SYNE1: variants seen among roughly 807,000 people sequenced by gnomAD.
SYNE1 encodes nesprin-1.
A neutral mutation model predicts 1,111.0 loss-of-function variants in SYNE1; 616 were observed. The observed-to-expected ratio is 0.55, with a 90% CI of 0.52 to 0.59. SYNE1 has a LOEUF of 0.59. Ranked by LOEUF, SYNE1 falls within the 20% of genes least tolerant of loss-of-function variation. The pLI, the probability that SYNE1 is intolerant of heterozygous loss-of-function variation, is 0.00. For missense variants in SYNE1, 10,006 were observed against 10,417.0 expected, an observed-to-expected ratio of 0.96 and a Z score of 1.72; for synonymous variants, 3,855 against 3,825.8, an observed-to-expected ratio of 1.01 and a Z score of -0.28.
In SYNE1 at chr6:152,484,038, C is replaced by CAAAAAAAAAAAAAAAAAAAAAAAAAAA. The variant is rs773019397; in HGVS notation, c.1186-790_1186-789insTTTTTTTTTTTTTTTTTTTTTTTTTTT. Among the ~76,000 whole-genome samples, 3 of 53,522 alleles carry CAAAAAAAAAAAAAAAAAAAAAAAAAAA rather than the reference C, an allele frequency of 5.6e-5. 1 individual carries two copies. Among genetic ancestry groups the CAAAAAAAAAAAAAAAAAAAAAAAAAAA allele is most frequent in the South Asian group, 1.7e-3 (2 of 1,144 alleles). 35.1% of individuals were successfully genotyped at this position (53,522 alleles called of 152,430 possible). A position where few individuals can be genotyped will look rare whatever the true frequency, so the allele number is the denominator to read the frequency against. On this transcript the variant is annotated intron_variant, in intron 13 of 145. Coordinates refer to ENST00000367255, the MANE Select transcript of SYNE1 (RefSeq NM_182961.4). ...GCAATATAGTGAGATCTCATCTCTA[C>CAAAAAAAAAAAAAAAAAAAAAAAAAAA]AAAAAAAAAAAAAAAAAAAAAAAAT... is the stretch of plus-strand genomic sequence containing the variant.
intron 4 of SYNE1, among the ~76,000 whole-genome samples, chr6:152,535,403 A>T (rs2099230018): frequency 6.6e-6 from 1 of 152,176 alleles, no homozygotes; most frequent in Non-Finnish European, 1.5e-5. Context: ...CATCCCAAAC[A>T]CAGTATTTAA....
At chr6:152,583,079 T>C (rs2099525881) in intron 3 of SYNE1, among the ~76,000 whole-genome samples, 1 of 152,206 alleles carries the variant, frequency 6.6e-6, no homozygotes, top group South Asian at 2.1e-4. Flanking sequence ...AATTATTTTA[T>C]TGACAAAGAC....
chr6:152,331,523 G>C lies in SYNE1; in HGVS notation c.13162C>G (p.Leu4388Val). ...DMAQNLLMDH[L>V]AICSELEAKQ... ...GCCTCCAGTTCACTGCAGATGGCCA[G>C]GTGATCCATGAGAAGGTTCTGAGCC... The change falls in exon 78 of 146, where the codon CTG becomes GTG. Residue 4388 changes from leucine (L) to valine (V), a missense_variant. Transcript: ENST00000367255. 1 of 1,614,122 alleles carries C rather than the reference G, an allele frequency of 6.2e-7. No individual in the cohort carries two copies. The highest frequency in any genetic ancestry group is 8.5e-7 in the Non-Finnish European group (1 of 1,180,022).
At chr6:152,133,574 C>T in intron 142 of SYNE1, 86 bp from the exon 143 acceptor site, 1 of 1,332,194 alleles carries the variant, frequency 7.5e-7, no homozygotes, top group Non-Finnish European at 1.1e-6. Flanking sequence ...ATCAACTTAA[C>T]TTGGTGGGAA....
chr6:152,249,355 G>T, intron 104 of SYNE1, 93 bp from the exon 105 acceptor site: 2 of 804,966 alleles, frequency 2.5e-6, no homozygotes, highest in Non-Finnish European at 4.4e-6. Context: ...ATAACATAGA[G>T]GCACAGAAAT....
At chr6:152,243,863 C>T (rs933015757) in intron 106 of SYNE1, among the ~76,000 whole-genome samples, 1 of 152,114 alleles carries the variant, frequency 6.6e-6, no homozygotes, top group African/African-American at 2.4e-5. Flanking sequence ...CTAGTTGATG[C>T]TAAATTTTGT....
chr6:152,526,239 T>C (rs1222359897), intron 4 of SYNE1, 64 bp from the exon 5 acceptor site: 1 of 1,503,468 alleles, frequency 6.7e-7, no homozygotes, highest in Non-Finnish European at 9.2e-7. Context: ...TCTCTTTCTC[T>C]CTCTCACCTT....
At chr6:152,376,015 A>C (rs147065749) in intron 58 of SYNE1, 50 of 191,984 alleles carry the variant, frequency 2.6e-4, no homozygotes, top group African/African-American at 1.1e-3. Context: ...GGTTTCAGGG[A>C]AGACAATTTT....
intron 66 of SYNE1, among the ~76,000 whole-genome samples, chr6:152,357,162 T>C (rs1251688787): frequency 6.6e-6 from 1 of 152,204 alleles, no homozygotes; most frequent in Admixed American, 6.5e-5. Flanking sequence ...AAATAAGATT[T>C]TCTTCCATTT....
At chr6:152,517,195 G>A (rs2099116493) in intron 6 of SYNE1, among the ~76,000 whole-genome samples, 1 of 152,286 alleles carries the variant, frequency 6.6e-6, no homozygotes, top group Middle Eastern at 3.4e-3. Context: ...GTATTTTCTA[G>A]AGTTCCTGTC....
intron 100 of SYNE1, among the ~76,000 whole-genome samples, chr6:152,267,072 T>C (rs1176004889): frequency 6.6e-6 from 1 of 152,188 alleles, no homozygotes; most frequent in East Asian, 1.9e-4. Flanking sequence ...AGATTATATA[T>C]GTATAAAATT....
chr6:152,427,724 A>T lies in SYNE1; in HGVS notation c.5069T>A (p.Val1690Asp). The change falls in exon 38 of 146, where the codon GTC becomes GAC. Residue 1690 changes from valine (V) to aspartate (D), a missense_variant. Val to Asp is a radical substitution (Grantham distance 152, BLOSUM62 -3). Coordinates refer to ENST00000367255, the MANE Select transcript of SYNE1 (RefSeq NM_182961.4). The part of the protein sequence containing the change: ...SPEMDISADR[V>D]KVEGELQLIQ... ...TAACTGAAGTTCACCTTCCACTTTGACTCTGTCTGCAGAAATGTCCATTTC... is the reference window on the plus strand; with the variant it reads ...TAACTGAAGTTCACCTTCCACTTTGTCTCTGTCTGCAGAAATGTCCATTTC... 6.2e-7 allele frequency: 1 copy of T among 1,613,816 alleles called. No individual in the cohort carries two copies. Among genetic ancestry groups the T allele is most frequent in the South Asian group, 1.1e-5 (1 of 91,056 alleles).
Position 152,231,402 on chromosome 6 carries a change from C to A in SYNE1, c.21028G>T (p.Val7010Leu). The change falls in exon 114 of 146, where the codon GTA (valine) becomes TTA (leucine). Residue 7010 changes from valine (V) to leucine (L), a missense_variant. By Grantham distance (32) the Val-to-Leu change is conservative. Coordinates refer to ENST00000367255, the MANE Select transcript of SYNE1 (RefSeq NM_182961.4). The part of the protein sequence containing the change: ...NKSWQILQGL[V>L]TEKIQLLEGL... ...AGCCACTGGCTTACCTTCTCAGTTACTAGACCTTGCAGAATTTGCCAACTT... is the reference window on the plus strand; with the variant it reads ...AGCCACTGGCTTACCTTCTCAGTTAATAGACCTTGCAGAATTTGCCAACTT... 1 of 1,614,120 alleles carries A rather than the reference C, an allele frequency of 6.2e-7. No homozygotes were observed. Among genetic ancestry groups the A allele is most frequent in the Non-Finnish European group, 8.5e-7 (1 of 1,180,004 alleles).
Position 152,458,813 on chromosome 6 carries a change from T to G in SYNE1, c.2512A>C (p.Ile838Leu), listed in dbSNP as rs1286323306. 6.2e-7 allele frequency: 1 copy of G among 1,614,136 alleles called. No individual in the cohort carries two copies. The highest frequency in any genetic ancestry group is 1.1e-5 in the South Asian group (1 of 91,082). The change falls in exon 22 of 146, where the codon ATC (isoleucine) becomes CTC (leucine). Residue 838 changes from isoleucine to leucine, a missense_variant. By Grantham distance (5) the Ile-to-Leu change is conservative. Transcript: ENST00000367255. The part of the protein sequence containing the change: ...YDSLGKINEI[I>L]TVLEREAQSS... The stretch of plus-strand genomic sequence containing the variant: ...TGTGCCTCACGCTCAAGAACTGTGA[T>G]AATTTCATTGATTTTCCCAAGTGAG...
At chr6:152,374,950 A>G (rs1402917406) in intron 58 of SYNE1, among the ~76,000 whole-genome samples, 1 of 149,748 alleles carries the variant, frequency 6.7e-6, no homozygotes, top group Non-Finnish European at 1.5e-5. Flanking sequence ...ATTTTATTTT[A>G]TTATTTTTGA....
Position 152,462,830 on chromosome 6 carries a change from G to A in SYNE1, c.2158C>T (p.Leu720=), listed in dbSNP as rs1264203850. Residue 720 remains leucine, a synonymous_variant, in exon 20 of 146, where the codon CTG becomes TTG. Transcript: ENST00000367255. ...KKEYTDCVVT[L]SAFATEAHKK... is the part of the protein sequence containing the mutation. Reference sequence around the variant, plus strand: ...TGGGCTTCCGTTGCAAAAGCAGACAGGGTAACAACACAGTCTGTGTATTCC... The same window carrying A: ...TGGGCTTCCGTTGCAAAAGCAGACAAGGTAACAACACAGTCTGTGTATTCC... 1 of 1,614,016 alleles carries A rather than the reference G, an allele frequency of 6.2e-7. No individual in the cohort carries two copies. The highest frequency in any genetic ancestry group is 1.7e-5 in the Admixed American group (1 of 59,994).
At chr6:152,316,546 A>G in intron 87 of SYNE1, 1 of 381,228 alleles carries the variant, frequency 2.6e-6, no homozygotes, top group Non-Finnish European at 4.9e-6. Context: ...TTCCCACCAG[A>G]TCCCTGCAGA....
chr6:152,155,875 T>C (rs1317885790), intron 132 of SYNE1, 35 bp downstream of exon 132: 1 of 1,612,274 alleles, frequency 6.2e-7, no homozygotes, highest in Non-Finnish European at 8.5e-7. Context: ...TTTTGGTCTT[T>C]CCTCTTCCCT....
At chr6:152,326,692 G>T in intron 78 of SYNE1, 59 bp from the exon 79 acceptor site, 1 of 1,520,594 alleles carries the variant, frequency 6.6e-7, no homozygotes, top group Non-Finnish European at 9.0e-7. Context: ...TTGCAGGAAA[G>T]AGTTTTATTC....
Sources: gnomAD v4.1 joint callset for allele counts (sites outside exome capture counted in the v4.1 genomes callset) on GRCh38, gnomAD v4.1.1 for gene constraint, MANE v1.5 for transcripts, NCBI Gene and HGNC (gene_info 2026-07-23, HGNC 2026-07-21) for gene names.